Variants in SPEN observed in about 807,000 individuals in gnomAD.
SPEN encodes msx2-interacting protein.
A neutral mutation model predicts 269.9 loss-of-function variants in SPEN; 18 were observed. The ratio of observed to expected loss-of-function variants is 0.07; its 90% CI spans 0.05 to 0.10. The LOEUF is 0.10. SPEN is among the 10% of genes least tolerant of loss of function. The pLI, the probability that SPEN is intolerant of heterozygous loss-of-function variation, is 1.00. For missense variants in SPEN, 3,822 were observed against 4,631.2 expected, an observed-to-expected ratio of 0.83 and a Z score of 5.07; for synonymous variants, 1,726 against 1,765.7, an observed-to-expected ratio of 0.98 and a Z score of 0.56.
In SPEN at chr1:15,930,227, T is replaced by C; in HGVS notation, c.3987T>C (p.Ser1329=). 1 of 1,614,146 alleles carries C rather than the reference T, an allele frequency of 6.2e-7. No homozygotes were observed. The highest frequency in any genetic ancestry group is 8.5e-7 in the Non-Finnish European group (1 of 1,180,008). Residue 1329 remains serine (S), a synonymous_variant, in exon 11 of 15, where the codon TCT becomes TCC. Coordinates refer to ENST00000375759, the MANE Select transcript of SPEN (RefSeq NM_015001.3). The surrounding 1 kb of genome is among the most constrained non-coding windows in gnomAD (Gnocchi z 5.3). ...CAGATATGGCCAAAATAAAACTATC[T>C]GTCTTGAATTCTGAAGATGAACTAA... ...QMADMAKIKL[S]VLNSEDELNR...
intron 3 of SPEN, among the ~76,000 whole-genome samples, chr1:15,877,647 A>G (rs2070644716): frequency 6.6e-6 from 1 of 150,852 alleles, no homozygotes; most frequent in Non-Finnish European, 1.5e-5. Context: ...AGTTATATGG[A>G]TTTTGAAATC....
chr1:15,899,094 C>T (rs969702803), intron 3 of SPEN, among the ~76,000 whole-genome samples: 5 of 152,070 alleles, frequency 3.3e-5, no homozygotes, highest in Non-Finnish European at 1.5e-5. Flanking sequence ...TTGGGGAACC[C>T]CATGGCTGTA....
At position 15,933,538 on chromosome 1, in the gene SPEN, C is replaced by G. The variant is rs546511966; in HGVS notation, c.7298C>G (p.Pro2433Arg). The G allele has an allele frequency of 1.9e-6, 3 of 1,613,854 alleles. No homozygotes were observed. The highest frequency in any genetic ancestry group is 2.7e-5 in the African/African-American group (2 of 74,904). Residue 2433 changes from proline (P) to arginine (R), a missense_variant, in exon 11 of 15, where the codon CCA (proline) becomes CGA (arginine). Coordinates refer to ENST00000375759, the MANE Select transcript of SPEN (RefSeq NM_015001.3). This position sits in a 1 kb window ranked among gnomAD's most constrained non-coding sequence, Gnocchi z 5.7. ...GCATCTGTGCCCCCAGACCTTCCCC[C>G]ACCTCCCCAGCCAGCACCGGTGGAT... ...TKASVPPDLP[P>R]PPQPAPVDEE... is the part of the protein sequence containing the mutation.
chr1:15,893,396 A>G (rs1366608616), intron 3 of SPEN, among the ~76,000 whole-genome samples: 1 of 152,136 alleles, frequency 6.6e-6, no homozygotes, highest in African/African-American at 2.4e-5. Flanking sequence ...GCCATCTTGG[A>G]CTGTAGCTTT....
At position 15,932,660 on chromosome 1, in the gene SPEN, T is replaced by C. The variant is rs777216660; in HGVS notation, c.6420T>C (p.Asp2140=). 92 of 1,613,208 alleles carry C rather than the reference T, an allele frequency of 5.7e-5. No homozygotes were observed. The highest frequency in any genetic ancestry group is 7.6e-5 in the Non-Finnish European group (90 of 1,179,672). The change falls in exon 11 of 15, where the codon GAT becomes GAC. Residue 2140 remains aspartate, a synonymous_variant. Transcript: ENST00000375759. The surrounding 1 kb of genome is among the most constrained non-coding windows in gnomAD (Gnocchi z 4.2). ...EDGLSSQLKS[D]PVDPDKEPEK... is the part of the protein sequence containing the mutation. ...GTTTATCATCCCAGTTGAAAAGTGA[T>C]CCAGTTGATCCAGACAAGGAACCAG...
intron 10 of SPEN, 73 bp downstream of exon 10, chr1:15,922,422 A>G: frequency 1.9e-6 from 2 of 1,062,212 alleles, no homozygotes; most frequent in East Asian, 5.0e-5. Context: ...ATGGCATTAA[A>G]TTTTATTTTT....
chr1:15,878,855 C>CA (rs2070658650), intron 3 of SPEN, among the ~76,000 whole-genome samples: 1 of 151,078 alleles, frequency 6.6e-6, no homozygotes, highest in Admixed American at 6.6e-5. Flanking sequence ...ACTAAAAATA[C>CA]AAAAATTAGC....
intron 10 of SPEN, among the ~76,000 whole-genome samples, chr1:15,925,084 A>C (rs1025532391): frequency 1.1e-4 from 16 of 152,240 alleles, no homozygotes; most frequent in African/African-American, 3.9e-4. Context: ...CTATTTGCAC[A>C]GGGCTTTCCC....
intron 1 of SPEN, among the ~76,000 whole-genome samples, chr1:15,854,945 T>TA (rs1335122300): frequency 1.3e-5 from 2 of 152,124 alleles, no homozygotes; most frequent in Non-Finnish European, 2.9e-5. Flanking sequence ...TACAAGCATC[T>TA]AAAAAAACCA....
At position 15,929,077 on chromosome 1, in the gene SPEN, C is replaced by T. The variant is rs763565976; in HGVS notation, c.2837C>T (p.Ser946Leu). 2 of 1,614,064 alleles carry T rather than the reference C, an allele frequency of 1.2e-6. No individual in the cohort carries two copies. Among genetic ancestry groups the T allele is most frequent in the South Asian group, 2.2e-5 (2 of 91,086 alleles). The change falls in exon 11 of 15, where the codon TCA becomes TTA. Residue 946 changes from serine (S) to leucine (L), a missense_variant. This residue lies in a region of SPEN where 572 missense variants were observed against 582.6 expected (regional missense o/e 0.98). Transcript: ENST00000375759. This position sits in a 1 kb window ranked among gnomAD's most constrained non-coding sequence, Gnocchi z 5.8. The stretch of plus-strand genomic sequence containing the variant: ...AAAGTACCAAAGGAAAAGGGGCTTT[C>T]AAGCCATGTTGAAGTGGTGGAGAAG... Reference protein sequence around the residue: ...RMKVPKEKGLSSHVEVVEKEG... With the variant: ...RMKVPKEKGLLSHVEVVEKEG...
intron 4 of SPEN, among the ~76,000 whole-genome samples, chr1:15,910,393 C>T (rs1302134045): frequency 6.6e-6 from 1 of 152,058 alleles, no homozygotes; most frequent in Non-Finnish European, 1.5e-5. Context: ...CTACATGACA[C>T]TTCTCACACA....
At chr1:15,918,532 T>C (rs528839432) in intron 6 of SPEN, among the ~76,000 whole-genome samples, 1 of 152,384 alleles carries the variant, frequency 6.6e-6, no homozygotes, top group African/African-American at 2.4e-5. Flanking sequence ...TATCATATTT[T>C]AAATGGCCTG....
chr1:15,922,829 G>A (rs1003073914), intron 10 of SPEN, among the ~76,000 whole-genome samples: 1 of 152,094 alleles, frequency 6.6e-6, no homozygotes, highest in African/African-American at 2.4e-5. Flanking sequence ...GTCTAGGCTG[G>A]TCTTGAACTC....
intron 6 of SPEN, among the ~76,000 whole-genome samples, chr1:15,917,103 G>A (rs2235744): frequency 0.15 from 22,533 of 152,136 alleles, 1,941 homozygotes; most frequent in Admixed American, 0.25. Context: ...ACTCCAGCGT[G>A]GGTGACAGAG....
In SPEN at chr1:15,853,668, AT is replaced by A. The variant is rs111363386; in HGVS notation, c.83+5531del. Among the ~76,000 whole-genome samples, 1,135 of 126,050 alleles carry A rather than the reference AT, an allele frequency of 9.0e-3. 7 individuals carry two copies. The highest frequency in any genetic ancestry group is 0.03 in the Middle Eastern group (6 of 198). The allele number at this position is 126,050 out of a possible 152,430, so 82.7% of individuals were successfully genotyped here. A position where few individuals can be genotyped will look rare whatever the true frequency, so the allele number is the denominator to read the frequency against. On this transcript the variant is annotated intron_variant, in intron 1 of 14. Transcript: ENST00000375759. ...ACCACCATGTCTGGCTAATTTTTGTATTTTTTTTTTTTTGAGACGGAGTCTC... is the reference window on the plus strand; with the variant it reads ...ACCACCATGTCTGGCTAATTTTTGTATTTTTTTTTTTTGAGACGGAGTCTC...
chr1:15,879,675 A>AT (rs33987690), intron 3 of SPEN, among the ~76,000 whole-genome samples: 36,156 of 147,848 alleles, frequency 0.24, 5,030 homozygotes, highest in South Asian at 0.43. Flanking sequence ...CAGCAGACAA[A>AT]TTTTTTTTTT....
rs778639822 is a variant in SPEN, at chr1:15,928,582, G to A, written c.2342G>A (p.Arg781His). The A allele has an allele frequency of 3.7e-6, 6 of 1,614,010 alleles. No individual in the cohort carries two copies. The East Asian group carries it at 6.7e-5, about 18-fold the overall frequency. Reference protein sequence around the residue: ...PPRYEKLDKSRLERYTKNEKT... With the variant: ...PPRYEKLDKSHLERYTKNEKT... ...AGATATGAGAAACTGGACAAGTCTCGTTTGGAGCGCTATACAAAAAATGAA... is the reference window on the plus strand; with the variant it reads ...AGATATGAGAAACTGGACAAGTCTCATTTGGAGCGCTATACAAAAAATGAA... Residue 781 changes from arginine (R) to histidine (H), a missense_variant, in exon 11 of 15, where the codon CGT (arginine) becomes CAT (histidine). Arg to His is a conservative substitution (Grantham distance 29, BLOSUM62 0). Around this residue, in one of 16 missense-constraint regions of SPEN, gnomAD observed 572 missense variants for 582.6 expected, o/e 0.98. Transcript: ENST00000375759. This position sits in a 1 kb window ranked among gnomAD's most constrained non-coding sequence, Gnocchi z 5.7.
chr1:15,932,439 C>A lies in SPEN; in HGVS notation c.6199C>A (p.Pro2067Thr), dbSNP rs2071231469. The change falls in exon 11 of 15, where the codon CCG (proline) becomes ACG (threonine). Residue 2067 changes from proline (P) to threonine (T), a missense_variant. Pro to Thr is a conservative substitution (Grantham distance 38). Around this residue, in one of 16 missense-constraint regions of SPEN, gnomAD observed 727 missense variants for 737.9 expected, o/e 0.99. Transcript: ENST00000375759. This position sits in a 1 kb window ranked among gnomAD's most constrained non-coding sequence, Gnocchi z 4.2. ...TAPVEVVEKK[P>T]APEKNSKSKR... The stretch of plus-strand genomic sequence containing the variant: ...CCCTGTTGAAGTTGTAGAGAAAAAA[C>A]CGGCCCCTGAAAAAAACTCCAAATC... 6.2e-7 allele frequency: 1 copy of A among 1,613,478 alleles called. No homozygotes were observed. The highest frequency in any genetic ancestry group is 2.2e-5 in the East Asian group (1 of 44,874).
chr1:15,910,950 T>G, intron 4 of SPEN, 151 bp from the exon 5 acceptor site: 1 of 628,476 alleles, frequency 1.6e-6, no homozygotes, highest in Admixed American at 3.0e-5. Flanking sequence ...GTGTGAGGTG[T>G]GCCTCCCTCA....
Sources: gnomAD v4.1 joint callset for allele counts (sites outside exome capture counted in the v4.1 genomes callset) on GRCh38, gnomAD v4.1.1 for gene constraint, gnomAD v4.1.1 regional missense constraint, Gnocchi (gnomAD v3.1) non-coding constraint, MANE v1.5 for transcripts, NCBI Gene and HGNC (gene_info 2026-07-23, HGNC 2026-07-21) for gene names.